COX10: variants seen among roughly 807,000 people sequenced by gnomAD.
COX10 encodes the protein cytochrome c oxidase assembly factor heme A:farnesyltransferase COX10.
A neutral mutation model predicts 37.3 loss-of-function variants in COX10; 27 were observed. That is an observed-to-expected ratio of 0.72 (90% CI 0.53 to 1.00). COX10 has a LOEUF of 1.00. Ranked by LOEUF, COX10 falls within the 50% of genes least tolerant of loss-of-function variation. The pLI is 0.00. For synonymous variants in COX10, 222 were observed against 229.1 expected (o/e 0.97, Z 0.28); for missense variants, 475 against 563.2 (o/e 0.84, Z 1.59).
chr17:14,160,060 C>CA, intron 5 of COX10, 113 bp downstream of exon 5: 1 of 910,690 alleles, frequency 1.1e-6, no homozygotes, highest in South Asian at 1.4e-5. Context: ...AAAATACCCA[C>CA]AAAGAAACAA....
At chr17:14,096,365 T>TG (rs1491162271) in intron 3 of COX10, among the ~76,000 whole-genome samples, 1 of 117,120 alleles carries the variant, frequency 8.5e-6, no homozygotes, top group African/African-American at 3.1e-5. Flanking sequence ...TGTAGGTGTG[T>TG]TTTTTTTTTT....
At chr17:14,157,131 A>G (rs1204930978) in intron 4 of COX10, among the ~76,000 whole-genome samples, 1 of 152,166 alleles carries the variant, frequency 6.6e-6, no homozygotes, top group East Asian at 1.9e-4. Context: ...TACTTTCCCA[A>G]TTATTAAGGA....
At chr17:14,184,199 A>G (rs1266183045) in intron 5 of COX10, among the ~76,000 whole-genome samples, 1 of 152,124 alleles carries the variant, frequency 6.6e-6, no homozygotes, top group Non-Finnish European at 1.5e-5. Context: ...AGCAAGTTTG[A>G]CTTGAAAGTT....
chr17:14,123,200 G>C (rs1226573088), intron 4 of COX10, among the ~76,000 whole-genome samples: 1 of 152,158 alleles, frequency 6.6e-6, no homozygotes. Context: ...CCTTACCTCA[G>C]TACCAGAGCT....
At chr17:14,163,297 C>T (rs983778587) in intron 5 of COX10, among the ~76,000 whole-genome samples, 1 of 149,702 alleles carries the variant, frequency 6.7e-6, no homozygotes, top group African/African-American at 2.4e-5. Context: ...ACTCTCTTGC[C>T]CAGGCTAGAG....
At chr17:14,181,875 G>A in intron 5 of COX10, 1 of 616,532 alleles carries the variant, frequency 1.6e-6, no homozygotes, top group Non-Finnish European at 2.0e-6. Flanking sequence ...CGAAGTCTTT[G>A]TACAAATTAC....
intron 5 of COX10, among the ~76,000 whole-genome samples, chr17:14,175,438 C>T (rs1423393128): frequency 6.6e-6 from 1 of 151,732 alleles, no homozygotes; most frequent in Non-Finnish European, 1.5e-5. Context: ...GCTCTGTTTC[C>T]TCGCCTATAA....
intron 4 of COX10, 126 bp downstream of exon 4, chr17:14,102,368 C>A: frequency 7.3e-7 from 1 of 1,377,518 alleles, no homozygotes; most frequent in Non-Finnish European, 1.0e-6. Context: ...ACTATATATC[C>A]TATAGGAGCC....
intron 1 of COX10, among the ~76,000 whole-genome samples, chr17:14,071,730 C>CAAAAAAAA (rs57780115): frequency 8.8e-6 from 1 of 113,262 alleles, no homozygotes; most frequent in African/African-American, 3.5e-5. Flanking sequence ...CTAAAAATAC[C>CAAAAAAAA]AAAAAAAAAA....
chr17:14,195,074 G>C (rs1203476702), intron 6 of COX10, among the ~76,000 whole-genome samples: 1 of 152,174 alleles, frequency 6.6e-6, no homozygotes, highest in Non-Finnish European at 1.5e-5. Context: ...GTTAATTGCA[G>C]ATCAAACCAT....
chr17:14,153,714 A>G (rs1230390395), intron 4 of COX10, among the ~76,000 whole-genome samples: 1 of 152,222 alleles, frequency 6.6e-6, no homozygotes, highest in African/African-American at 2.4e-5. Context: ...TAAGTAGTTT[A>G]AACACCTCAA....
chr17:14,131,484 G>A (rs1180118028), intron 4 of COX10, among the ~76,000 whole-genome samples: 3 of 151,688 alleles, frequency 2.0e-5, no homozygotes, highest in African/African-American at 7.3e-5. Flanking sequence ...TTTTCTATAA[G>A]AAATGAATTT....
intron 5 of COX10, among the ~76,000 whole-genome samples, chr17:14,184,263 G>T (rs1390981985): frequency 6.6e-6 from 1 of 152,066 alleles, no homozygotes; most frequent in Non-Finnish European, 1.5e-5. Context: ...AGGAAACCAA[G>T]GACCAGAGAG....
intron 6 of COX10, among the ~76,000 whole-genome samples, chr17:14,197,729 T>C (rs1906409564): frequency 6.8e-6 from 1 of 146,956 alleles, no homozygotes. Flanking sequence ...TGCCAACGGC[T>C]TTCAGTCCAG....
intron 4 of COX10, among the ~76,000 whole-genome samples, chr17:14,127,647 C>T (rs1029446426): frequency 2.0e-5 from 3 of 152,010 alleles, no homozygotes; most frequent in South Asian, 2.1e-4. Context: ...AAATTATATA[C>T]GTGTGTGAAT....
At chr17:14,115,556 A>T (rs962390560) in intron 4 of COX10, among the ~76,000 whole-genome samples, 2 of 152,166 alleles carry the variant, frequency 1.3e-5, no homozygotes, top group Non-Finnish European at 2.9e-5. Flanking sequence ...AAAGAAATCA[A>T]TGTATCAAAA....
At chr17:14,191,852 C>G in intron 5 of COX10, 137 bp from the exon 6 acceptor site, 1 of 842,714 alleles carries the variant, frequency 1.2e-6, no homozygotes, top group Non-Finnish European at 2.0e-6. Context: ...GAGGATTCCC[C>G]ATATCCAGGA....
chr17:14,149,375 G>A (rs1255511553), intron 4 of COX10, among the ~76,000 whole-genome samples: 1 of 152,118 alleles, frequency 6.6e-6, no homozygotes, highest in Non-Finnish European at 1.5e-5. Context: ...GCTTTACAGT[G>A]TATTATAAAT....
chr17:14,160,178 G>T (rs968292952), intron 5 of COX10, among the ~76,000 whole-genome samples: 2 of 151,880 alleles, frequency 1.3e-5, no homozygotes, highest in Admixed American at 6.6e-5. Context: ...TAACTTATGT[G>T]ATATATATAT....
Sources: allele counts gnomAD v4.1 joint callset (sites outside exome capture counted in the v4.1 genomes callset), GRCh38; gene constraint gnomAD v4.1.1; transcripts MANE v1.5; gene names NCBI Gene and HGNC (gene_info 2026-07-23, HGNC 2026-07-21).